SLC9A9: variants seen among roughly 807,000 people sequenced by gnomAD.
The protein encoded by SLC9A9 is sodium/hydrogen exchanger 9.
SLC9A9 carries 62 observed loss-of-function variants against 77.8 expected under a neutral mutation model. The ratio of observed to expected loss-of-function variants is 0.80; its 90% CI spans 0.65 to 0.98. The LOEUF is 0.98. Ranked by LOEUF, SLC9A9 falls within the 50% of genes least tolerant of loss-of-function variation. SLC9A9 has a pLI of 0.00. For synonymous variants in SLC9A9, 320 were observed against 283.5 expected, an observed-to-expected ratio of 1.13 and a Z score of -1.29; for missense variants, 775 against 774.9, an observed-to-expected ratio of 1.00 and a Z score of 0.00.
intron 5 of SLC9A9, among the ~76,000 whole-genome samples, chr3:143,689,046 T>C (rs1413846187): frequency 6.6e-6 from 1 of 152,032 alleles, no homozygotes; most frequent in Non-Finnish European, 1.5e-5. Context: ...TACTAAGCCA[T>C]GCTATAGGGA....
chr3:143,711,400 T>TA (rs1336520220), intron 4 of SLC9A9, among the ~76,000 whole-genome samples: 12 of 151,830 alleles, frequency 7.9e-5, no homozygotes, highest in African/African-American at 2.2e-4. Flanking sequence ...TTTACTCTTT[T>TA]AAAAAAAATT....
intron 4 of SLC9A9, among the ~76,000 whole-genome samples, chr3:143,712,807 A>C (rs1321616452): frequency 6.6e-6 from 1 of 152,232 alleles, no homozygotes; most frequent in African/African-American, 2.4e-5. Context: ...GTTTTCAACA[A>C]AGAAACATAT....
chr3:143,583,058 T>C (rs962229511), intron 6 of SLC9A9, among the ~76,000 whole-genome samples: 3 of 152,046 alleles, frequency 2.0e-5, no homozygotes, highest in African/African-American at 4.8e-5. Flanking sequence ...GAGGCTGAGG[T>C]GGGACGGTTG....
chr3:143,619,724 A>G (rs2038167243), intron 6 of SLC9A9, among the ~76,000 whole-genome samples: 1 of 152,234 alleles, frequency 6.6e-6, no homozygotes, highest in Non-Finnish European at 1.5e-5. Flanking sequence ...CCACATGGAC[A>G]GCAGTTTAAG....
At chr3:143,530,415 G>T (rs1559955255) in intron 9 of SLC9A9, among the ~76,000 whole-genome samples, 1 of 152,232 alleles carries the variant, frequency 6.6e-6, no homozygotes, top group East Asian at 1.9e-4. Context: ...TCTCCTGCTT[G>T]CCACAGTGTA....
chr3:143,398,104 C>G (rs5017364), intron 12 of SLC9A9, among the ~76,000 whole-genome samples: 1 of 152,058 alleles, frequency 6.6e-6, no homozygotes, highest in Non-Finnish European at 1.5e-5. Context: ...ACTTCCCCCC[C>G]GCCACCACCT....
intron 14 of SLC9A9, among the ~76,000 whole-genome samples, chr3:143,340,689 T>G (rs1432280793): frequency 6.6e-6 from 1 of 152,198 alleles, no homozygotes; most frequent in Admixed American, 6.5e-5. Context: ...TATTGAGTTT[T>G]TGCCCTTACC....
intron 5 of SLC9A9, among the ~76,000 whole-genome samples, chr3:143,688,259 T>C (rs1301773752): frequency 6.6e-6 from 1 of 151,930 alleles, no homozygotes; most frequent in Non-Finnish European, 1.5e-5. Flanking sequence ...TCTGGATTTT[T>C]TTTTTCCATT....
At chr3:143,442,158 C>T (rs1472748575) in intron 12 of SLC9A9, among the ~76,000 whole-genome samples, 1 of 152,108 alleles carries the variant, frequency 6.6e-6, no homozygotes, top group South Asian at 2.1e-4. Flanking sequence ...GGAGCTCCAC[C>T]CTTTAAGATC....
chr3:143,292,101 C>A (rs1022978116), intron 14 of SLC9A9, among the ~76,000 whole-genome samples: 5 of 152,312 alleles, frequency 3.3e-5, no homozygotes, highest in Admixed American at 2.0e-4. Context: ...GCTTTAGAAC[C>A]AGCAGAAGCC....
At chr3:143,710,695 C>T (rs975779268) in intron 4 of SLC9A9, among the ~76,000 whole-genome samples, 10 of 152,176 alleles carry the variant, frequency 6.6e-5, no homozygotes, top group African/African-American at 2.2e-4. Flanking sequence ...AGAGAGTTTA[C>T]CAGGGCTGGA....
At chr3:143,466,426 TC>T (rs2035281294) in intron 12 of SLC9A9, among the ~76,000 whole-genome samples, 1 of 152,216 alleles carries the variant, frequency 6.6e-6, no homozygotes, top group African/African-American at 2.4e-5. Flanking sequence ...AATTGTCTGC[TC>T]CTCCCATACT....
At chr3:143,375,881 C>G (rs926033872) in intron 13 of SLC9A9, among the ~76,000 whole-genome samples, 3 of 152,210 alleles carry the variant, frequency 2.0e-5, no homozygotes, top group Non-Finnish European at 4.4e-5. Context: ...GCTATACTTG[C>G]ACCTTTGCTA....
At chr3:143,502,553 A>T (rs2035939145) in intron 9 of SLC9A9, among the ~76,000 whole-genome samples, 1 of 152,244 alleles carries the variant, frequency 6.6e-6, no homozygotes, top group East Asian at 1.9e-4. Context: ...ACACAAAAAA[A>T]TGTAATTTTA....
chr3:143,533,980 G>A (rs1237263515), intron 9 of SLC9A9, among the ~76,000 whole-genome samples: 1 of 152,076 alleles, frequency 6.6e-6, no homozygotes, highest in Non-Finnish European at 1.5e-5. Flanking sequence ...CAAAGCTATG[G>A]CAAATGCTTT....
At chr3:143,644,574 G>A (rs181503705) in intron 6 of SLC9A9, among the ~76,000 whole-genome samples, 1 of 152,110 alleles carries the variant, frequency 6.6e-6, no homozygotes, top group African/African-American at 2.4e-5. Flanking sequence ...AGCAGGCAGG[G>A]GTGTGGGCAG....
At chr3:143,802,934 C>T (rs774444969) in intron 2 of SLC9A9, among the ~76,000 whole-genome samples, 1 of 152,172 alleles carries the variant, frequency 6.6e-6, no homozygotes, top group African/African-American at 2.4e-5. Context: ...CTCTAGGTGA[C>T]TATCCTCCAG....
At chr3:143,320,354 C>T (rs914080023) in intron 14 of SLC9A9, among the ~76,000 whole-genome samples, 2 of 152,326 alleles carry the variant, frequency 1.3e-5, no homozygotes, top group South Asian at 2.1e-4. Flanking sequence ...ATATCCAAAG[C>T]ATTGTGGGTT....
chr3:143,763,325 C>G (rs2007197634), intron 4 of SLC9A9, among the ~76,000 whole-genome samples: 1 of 152,118 alleles, frequency 6.6e-6, no homozygotes, highest in South Asian at 2.1e-4. Context: ...ATTTACATCC[C>G]TCTACTTTTT....
Sources: allele counts gnomAD v4.1 joint callset (sites outside exome capture counted in the v4.1 genomes callset), GRCh38; gene constraint gnomAD v4.1.1; transcripts MANE v1.5; gene names NCBI Gene and HGNC (gene_info 2026-07-23, HGNC 2026-07-21).